The following ZNF716 variants were observed in gnomAD, a reference collection of about 807,000 sequenced individuals.
ZNF716 encodes the protein zinc finger protein 716.
Under a neutral mutation model 13.4 loss-of-function variants are expected in ZNF716, and 9 were observed. The observed-to-expected ratio is 0.67, with a 90% CI of 0.41 to 1.18. The LOEUF is 1.18. ZNF716 is among the 50% of genes most tolerant of loss of function. The probability of loss-of-function intolerance (pLI) is 0.01; values close to 1 mark genes in which losing one functional copy is unlikely to be tolerated. For synonymous variants in ZNF716, 186 were observed against 195.2 expected, an observed-to-expected ratio of 0.95 and a Z score of 0.39; for missense variants, 581 against 576.6, an observed-to-expected ratio of 1.01 and a Z score of -0.08.
rs181330790 is a variant in ZNF716, at chr7:57,458,583, C to T, written c.40-3877C>T. Among the ~76,000 whole-genome samples the T allele has an allele frequency of 2.4e-4, 37 of 152,136 alleles. 1 individual carries two copies. Among genetic ancestry groups the T allele is most frequent in the African/African-American group, 7.5e-4 (31 of 41,522 alleles). Reference sequence around the variant, plus strand: ...GATTACAGGAGCCCACCACCAGACCCGGTTAATTTTTGTGTTTTTAGTACA... The same window carrying T: ...GATTACAGGAGCCCACCACCAGACCTGGTTAATTTTTGTGTTTTTAGTACA... On this transcript the variant is annotated intron_variant, in intron 1 of 3. Coordinates refer to ENST00000420713, the MANE Select transcript of ZNF716 (RefSeq NM_001159279.1).
At chr7:57,450,375 A>C (rs782410576) in intron 1 of ZNF716, 48 bp downstream of exon 1, 1 of 1,613,562 alleles carries the variant, frequency 6.2e-7, no homozygotes, top group Non-Finnish European at 8.5e-7. Context: ...GGCTGGTTGG[A>C]ACTGACTGAA....
chr7:57,461,266 G>T (rs1554323041), intron 1 of ZNF716, among the ~76,000 whole-genome samples: 1 of 152,090 alleles, frequency 6.6e-6, no homozygotes, highest in African/African-American at 2.4e-5. Flanking sequence ...GACAAAGAGA[G>T]ATTTTGTCTC....
intron 1 of ZNF716, among the ~76,000 whole-genome samples, chr7:57,454,796 G>T (rs763792412): frequency 6.6e-6 from 1 of 152,112 alleles, no homozygotes; most frequent in African/African-American, 2.4e-5. Flanking sequence ...AGGCCGAGGC[G>T]GGCGGATCAT....
chr7:57,472,667 A>C lies in ZNF716; in HGVS notation c.*2718A>C, dbSNP rs1304352530. The C allele has an allele frequency of 2.6e-5, 4 of 152,090 alleles. No individual in the cohort carries two copies. The highest frequency in any genetic ancestry group is 9.7e-5 in the African/African-American group (4 of 41,376). 9.4% of individuals were successfully genotyped at this position (152,090 alleles called of 1,614,324 possible). ...TTTTTAGTAGAGATGAGGTTTCCCCATGTTGGCCAGGCTGGTCTCAAACTC... is the reference window on the plus strand; with the variant it reads ...TTTTTAGTAGAGATGAGGTTTCCCCCTGTTGGCCAGGCTGGTCTCAAACTC... On this transcript the variant is annotated 3_prime_UTR_variant, in exon 4 of 4. Transcript: ENST00000420713.
At chr7:57,457,831 C>T (rs2116409323) in intron 1 of ZNF716, among the ~76,000 whole-genome samples, 1 of 152,272 alleles carries the variant, frequency 6.6e-6, no homozygotes, top group African/African-American at 2.4e-5. Context: ...AACGAGGCCT[C>T]AGAGTCTGTT....
Position 57,472,418 on chromosome 7 carries a change from T to G in ZNF716, c.*2469T>G, listed in dbSNP as rs1772052010. Reference sequence around the variant, plus strand: ...GTAAAAGATGGTGACAATATACTATTTGTTAATGTAGGGGAATGACATCAC... The same window carrying G: ...GTAAAAGATGGTGACAATATACTATGTGTTAATGTAGGGGAATGACATCAC... On this transcript the variant is annotated 3_prime_UTR_variant, in exon 4 of 4. Coordinates refer to ENST00000420713, the MANE Select transcript of ZNF716 (RefSeq NM_001159279.1). 6.6e-6 allele frequency: 1 copy of G among 151,970 alleles called. No individual in the cohort carries two copies. The highest frequency in any genetic ancestry group is 1.5e-5 in the Non-Finnish European group (1 of 68,026). The allele number at this position is 151,970 out of a possible 1,614,324, so 9.4% of individuals were successfully genotyped here.
rs1789913590 is a variant in ZNF716 at position 57,470,650 on chromosome 7, A to G, written c.*701A>G. 1.3e-5 allele frequency: 2 copies of G among 152,176 alleles called. No individual in the cohort carries two copies. The highest frequency in any genetic ancestry group is 4.1e-4 in the South Asian group (2 of 4,832). The allele number at this position is 152,176 out of a possible 1,614,324, so 9.4% of individuals were successfully genotyped here. A position where few individuals can be genotyped will look rare whatever the true frequency, so the allele number is the denominator to read the frequency against. The stretch of plus-strand genomic sequence containing the variant: ...ATAAGGAATATGGAAATGTCTTTTA[A>G]AAGTCCTCAAACTTTTTGTTTGAAT... On this transcript the variant is annotated 3_prime_UTR_variant, in exon 4 of 4. Transcript: ENST00000420713.
In ZNF716 at chr7:57,468,794, A is replaced by C. The variant is rs1554324521; in HGVS notation, c.333A>C (p.Ile111=). 1.2e-6 allele frequency: 2 copies of C among 1,613,670 alleles called. No homozygotes were observed. Among genetic ancestry groups the C allele is most frequent in the Non-Finnish European group, 1.7e-6 (2 of 1,179,790 alleles). Residue 111 remains isoleucine, a synonymous_variant, in exon 4 of 4, where the codon ATA becomes ATC. Coordinates refer to ENST00000420713, the MANE Select transcript of ZNF716 (RefSeq NM_001159279.1). ...QGIKDSLQKV[I]LRRYGKCGQE... is the part of the protein sequence containing the mutation. ...TAAAAGATTCACTCCAAAAAGTGAT[A>C]CTGAGAAGATATGGAAAATGTGGAC...
At chr7:57,452,179 TTTTC>T (rs1217898910) in intron 1 of ZNF716, among the ~76,000 whole-genome samples, 1 of 152,212 alleles carries the variant, frequency 6.6e-6, no homozygotes, top group Admixed American at 6.5e-5. Context: ...AAATGTCAAC[TTTTC>T]TTTCTAACTC....
At chr7:57,459,006 A>AT (rs1307163441) in intron 1 of ZNF716, among the ~76,000 whole-genome samples, 1 of 151,828 alleles carries the variant, frequency 6.6e-6, no homozygotes, top group Non-Finnish European at 1.5e-5. Flanking sequence ...TAGTTTCAAA[A>AT]TTTTTTTATT....
chr7:57,455,159 G>GT lies in ZNF716; in HGVS notation c.39+4833dup, dbSNP rs1789563384. Among the ~76,000 whole-genome samples the GT allele has an allele frequency of 4.6e-5, 7 of 152,268 alleles. No individual in the cohort carries two copies. In the South Asian group the frequency reaches 1.5e-3, roughly 32 times the overall value. On this transcript the variant is annotated intron_variant, in intron 1 of 3. Transcript: ENST00000420713. Reference sequence around the variant, plus strand: ...CAAACAAGTTTAGAAAGAGGATGAAGTAAGAATGGTATGATAGAAGGGGGC... The same window carrying GT: ...CAAACAAGTTTAGAAAGAGGATGAAGTTAAGAATGGTATGATAGAAGGGGGC...
intron 3 of ZNF716, 142 bp downstream of exon 3, chr7:57,463,310 C>T: frequency 2.7e-6 from 3 of 1,103,694 alleles, no homozygotes; most frequent in Admixed American, 5.4e-5. Context: ...TTCTATTATG[C>T]TTACATAGGG....
intron 1 of ZNF716, among the ~76,000 whole-genome samples, chr7:57,452,925 C>A (rs920021007): frequency 2.6e-5 from 4 of 151,918 alleles, no homozygotes; most frequent in African/African-American, 7.3e-5. Flanking sequence ...GAATAGCATG[C>A]GGTATGAAGT....
At chr7:57,450,622 T>C (rs1789470487) in intron 1 of ZNF716, among the ~76,000 whole-genome samples, 1 of 152,094 alleles carries the variant, frequency 6.6e-6, no homozygotes, top group Non-Finnish European at 1.5e-5. Context: ...TGTGCAGGGA[T>C]GGGAAAGTCA....
Position 57,466,971 on chromosome 7 carries a change from T to C in ZNF716, c.263-1753T>C, listed in dbSNP as rs562369731. Reference sequence around the variant, plus strand: ...CCTAGTAAATGGGCTCATTTTACCATTATATAATATCAATATCAATAATAT... The same window carrying C: ...CCTAGTAAATGGGCTCATTTTACCACTATATAATATCAATATCAATAATAT... On this transcript the variant is annotated intron_variant, in intron 3 of 3. Transcript: ENST00000420713. Among the ~76,000 whole-genome samples the C allele has an allele frequency of 2.0e-5, 3 of 152,164 alleles. No individual in the cohort carries two copies. In the South Asian group the frequency reaches 6.2e-4, roughly 32 times the overall value.
chr7:57,465,653 C>T (rs566182738), intron 3 of ZNF716, among the ~76,000 whole-genome samples: 1 of 152,266 alleles, frequency 6.6e-6, no homozygotes, highest in South Asian at 2.1e-4. Flanking sequence ...CCTGGCTGAT[C>T]TTTTGAAATT....
chr7:57,468,947 C>T lies in ZNF716; in HGVS notation c.486C>T (p.Cys162=), dbSNP rs368813044. ...TQNKTFQTHK[C]VKVFGKFSNS... The stretch of plus-strand genomic sequence containing the variant: ...ACAAAACATTTCAGACTCATAAATG[C>T]GTCAAAGTCTTTGGTAAATTTTCAA... Residue 162 remains cysteine, a synonymous_variant, in exon 4 of 4, where the codon TGC becomes TGT. Transcript: ENST00000420713. 60 of 1,610,018 alleles carry T rather than the reference C, an allele frequency of 3.7e-5. 1 individual carries two copies. Among genetic ancestry groups the T allele is most frequent in the South Asian group, 6.6e-5 (6 of 90,850 alleles).
intron 3 of ZNF716, among the ~76,000 whole-genome samples, chr7:57,466,311 G>A (rs1554324114): frequency 2.0e-5 from 3 of 152,204 alleles, no homozygotes. Context: ...GTTTAGCCTA[G>A]TTGGTTTATA....
chr7:57,459,020 G>T, intron 1 of ZNF716, among the ~76,000 whole-genome samples: 1 of 151,722 alleles, frequency 6.6e-6, no homozygotes, highest in Admixed American at 6.6e-5. Flanking sequence ...TTTTATTTCT[G>T]GCTTAATTTC....
Sources: gnomAD v4.1 joint callset for allele counts (sites outside exome capture counted in the v4.1 genomes callset) on GRCh38, gnomAD v4.1.1 for gene constraint, MANE v1.5 for transcripts, NCBI Gene and HGNC (gene_info 2026-07-23, HGNC 2026-07-21) for gene names.